The following AK5 variants were observed in gnomAD, a reference collection of about 807,000 sequenced individuals.
The protein encoded by AK5 is adenylate kinase 5.
Under a neutral mutation model 69.5 loss-of-function variants are expected in AK5, and 27 were observed. That is an observed-to-expected ratio of 0.39 (90% confidence interval 0.29 to 0.54). AK5 has a LOEUF of 0.54. AK5 is among the 20% of genes least tolerant of loss of function. AK5 has a pLI of 0.71. For missense variants in AK5, 531 were observed against 700.4 expected (o/e 0.76, Z 2.73); for synonymous variants, 260 against 244.4 (o/e 1.06, Z -0.60).
Position 77,310,214 on chromosome 1 carries a change from T to C in AK5, c.699+12267T>C, listed in dbSNP as rs150620949. Among the ~76,000 whole-genome samples, 123 of 152,258 alleles carry C rather than the reference T, an allele frequency of 8.1e-4. 2 individuals are homozygous for C. Among genetic ancestry groups the C allele is most frequent in the African/African-American group, 2.8e-3 (118 of 41,498 alleles). The stretch of plus-strand genomic sequence containing the variant: ...GTTGACTTGCGCATCTTTTCCTTCA[T>C]TGAAATGACTTATTCCTGTATAGAC... On this transcript the variant is annotated intron_variant, in intron 5 of 13. Coordinates refer to ENST00000354567, the MANE Select transcript of AK5 (RefSeq NM_174858.3).
Position 77,286,953 on chromosome 1 carries a change from G to A in AK5, c.73G>A (p.Gly25Arg), listed in dbSNP as rs1557462900. ...IPQLFESLLN[G>R]LMCSKPEDPV... ...TGTTATATTTCAGAGCCTTTTGAAT[G>A]GACTGATGTGTTCTAAGCCCGAAGA... is the stretch of plus-strand genomic sequence containing the variant. Residue 25 changes from glycine to arginine, a missense_variant, in exon 2 of 14, where the codon GGA becomes AGA. Coordinates refer to ENST00000354567, the MANE Select transcript of AK5 (RefSeq NM_174858.3). 1 of 1,514,032 alleles carries A rather than the reference G, an allele frequency of 6.6e-7. No homozygotes were observed. The highest frequency in any genetic ancestry group is 8.9e-7 in the Non-Finnish European group (1 of 1,128,402). 93.8% of individuals were successfully genotyped at this position (1,514,032 alleles called of 1,614,324 possible). A position where few individuals can be genotyped will look rare whatever the true frequency, so the allele number is the denominator to read the frequency against.
chr1:77,302,698 T>G (rs1659409939), intron 5 of AK5, among the ~76,000 whole-genome samples: 1 of 152,244 alleles, frequency 6.6e-6, no homozygotes, highest in African/African-American at 2.4e-5. Flanking sequence ...TTGTGCGGTC[T>G]TAAATTAGTG....
intron 1 of AK5, chr1:77,283,114 C>T (rs1278117145): frequency 5.1e-6 from 5 of 985,784 alleles, no homozygotes; most frequent in South Asian, 9.4e-5. Context: ...ACAGCATCAT[C>T]TGCACCGGGA....
intron 13 of AK5, among the ~76,000 whole-genome samples, chr1:77,544,272 G>C (rs1418824302): frequency 6.6e-6 from 1 of 152,224 alleles, no homozygotes; most frequent in East Asian, 1.9e-4. Context: ...CTGAGTGAAT[G>C]TGAAGGCCTA....
In AK5 at chr1:77,521,845, C is replaced by T; in HGVS notation, c.1330C>T (p.Leu444=). 6.2e-7 allele frequency: 1 copy of T among 1,613,730 alleles called. No individual in the cohort carries two copies. Among genetic ancestry groups the T allele is most frequent in the Non-Finnish European group, 8.5e-7 (1 of 1,179,858 alleles). The change falls in exon 12 of 14, where the codon CTG becomes TTG. Residue 444 remains leucine, a synonymous_variant. Coordinates refer to ENST00000354567, the MANE Select transcript of AK5 (RefSeq NM_174858.3). ...GCTCCAGGGCATCGTTTTGGAGCTC[C>T]TGAAGGAGGCCATGGTGGCCAGCCT... The part of the protein sequence containing the change: ...LVPSGIVLEL[L]KEAMVASLGD...
intron 8 of AK5, among the ~76,000 whole-genome samples, chr1:77,480,220 T>C (rs1310568362): frequency 6.6e-6 from 1 of 151,934 alleles, no homozygotes; most frequent in African/African-American, 2.4e-5. Flanking sequence ...TTATTGAGAG[T>C]CCCTGGTTAC....
chr1:77,358,101 A>G (rs143249891), intron 6 of AK5, among the ~76,000 whole-genome samples: 3 of 152,004 alleles, frequency 2.0e-5, no homozygotes, highest in African/African-American at 7.2e-5. Context: ...AGAATGCAGA[A>G]GAATATAAGA....
chr1:77,486,294 T>G lies in AK5; in HGVS notation c.1103-14T>G. The G allele has an allele frequency of 6.5e-7, 1 of 1,541,718 alleles. No individual in the cohort carries two copies. The highest frequency in any genetic ancestry group is 8.9e-7 in the Non-Finnish European group (1 of 1,117,910). On this transcript the variant is annotated splice_polypyrimidine_tract_variant and intron_variant, in intron 9 of 13. Coordinates refer to ENST00000354567, the MANE Select transcript of AK5 (RefSeq NM_174858.3). ...TTTTTCTTGCCAATAACTTAAGTTA[T>G]TCTTATTTTAAAGGTTTCATGGAAG...
chr1:77,531,801 A>T (rs1198348140), intron 12 of AK5, among the ~76,000 whole-genome samples: 1 of 78,474 alleles, frequency 1.3e-5, no homozygotes, highest in African/African-American at 5.0e-5. Context: ...GCCGTGGAGC[A>T]GGGGGCTGCG....
chr1:77,521,828 G>A lies in AK5; in HGVS notation c.1313G>A (p.Gly438Asp). Reference sequence around the variant, plus strand: ...CTGACCACTCTCGCTTTGCTCCAGGGCATCGTTTTGGAGCTCCTGAAGGAG... The same window carrying A: ...CTGACCACTCTCGCTTTGCTCCAGGACATCGTTTTGGAGCTCCTGAAGGAG... ...IMERGDLVPS[G>D]IVLELLKEAM... The change falls in exon 12 of 14, where the codon GGC (glycine) becomes GAC (aspartate). Residue 438 changes from glycine to aspartate, a missense_variant and splice_region_variant. Coordinates refer to ENST00000354567, the MANE Select transcript of AK5 (RefSeq NM_174858.3). The A allele has an allele frequency of 6.2e-7, 1 of 1,612,372 alleles. No individual in the cohort carries two copies. The highest frequency in any genetic ancestry group is 2.2e-5 in the East Asian group (1 of 44,808).
intron 6 of AK5, among the ~76,000 whole-genome samples, chr1:77,344,259 A>G (rs1344494162): frequency 6.6e-6 from 1 of 152,206 alleles, no homozygotes; most frequent in African/African-American, 2.4e-5. Context: ...TTGTTCTTGT[A>G]TTATACATGT....
intron 6 of AK5, among the ~76,000 whole-genome samples, chr1:77,367,590 TATATATGTAATATATATGTA>T (rs1208935450): frequency 9.9e-3 from 10 of 1,008 alleles, no homozygotes; most frequent in Non-Finnish European, 0.018. Context: ...ATATATATGT[TATATATGTAATATATATGTA>T]ATATATATGT....
At chr1:77,486,246 G>C in intron 9 of AK5, 62 bp from the exon 10 acceptor site, 1 of 1,158,178 alleles carries the variant, frequency 8.6e-7, no homozygotes, top group African/African-American at 1.5e-5. Context: ...TATAATATGA[G>C]TAAAACCAGG....
intron 2 of AK5, among the ~76,000 whole-genome samples, chr1:77,289,394 G>A (rs555179052): frequency 8.5e-5 from 13 of 152,168 alleles, no homozygotes; most frequent in South Asian, 6.2e-4. Flanking sequence ...CCAGGGTGTC[G>A]TCATACTTAA....
chr1:77,549,099 C>G (rs955536673), intron 13 of AK5, among the ~76,000 whole-genome samples: 1 of 151,974 alleles, frequency 6.6e-6, no homozygotes, highest in Non-Finnish European at 1.5e-5. Flanking sequence ...TGGTCTTGAA[C>G]TCCTGACCTC....
At chr1:77,402,528 G>A (rs1420703753) in intron 6 of AK5, among the ~76,000 whole-genome samples, 2 of 147,176 alleles carry the variant, frequency 1.4e-5, no homozygotes, top group African/African-American at 2.5e-5. Context: ...TCCCACCTAT[G>A]AGTGAGAACA....
chr1:77,442,158 T>C (rs1225375580), intron 8 of AK5, among the ~76,000 whole-genome samples: 1 of 152,102 alleles, frequency 6.6e-6, no homozygotes, highest in East Asian at 1.9e-4. Flanking sequence ...GGGAAAGGTA[T>C]GACAGTGGCT....
chr1:77,465,636 T>C (rs1654095343), intron 8 of AK5, among the ~76,000 whole-genome samples: 2 of 152,150 alleles, frequency 1.3e-5, no homozygotes, highest in Admixed American at 6.5e-5. Context: ...CTTACACCGA[T>C]GCTTAAACAG....
At chr1:77,425,241 C>T (rs1029359633) in intron 8 of AK5, among the ~76,000 whole-genome samples, 5 of 152,076 alleles carry the variant, frequency 3.3e-5, no homozygotes, top group Admixed American at 2.6e-4. Context: ...GAATTTGTTG[C>T]CAGCAGACCT....
Sources: allele counts gnomAD v4.1 joint callset (sites outside exome capture counted in the v4.1 genomes callset), GRCh38; gene constraint gnomAD v4.1.1; transcripts MANE v1.5; gene names NCBI Gene and HGNC (gene_info 2026-07-23, HGNC 2026-07-21).